Variants in PARD3B observed in about 807,000 individuals in gnomAD.
PARD3B encodes par-3 family cell polarity regulator beta, also known as partitioning defective 3 homolog B.
PARD3B carries 103 observed loss-of-function variants against 130.2 expected under a neutral mutation model. The ratio of observed to expected loss-of-function variants is 0.79; its 90% CI spans 0.67 to 0.93. The LOEUF (loss-of-function observed/expected upper bound fraction) is 0.93, where lower values mean the gene tolerates loss of function less well. PARD3B is among the 40% of genes least tolerant of loss of function. The pLI, the probability that PARD3B is intolerant of heterozygous loss-of-function variation, is 0.00. For synonymous variants in PARD3B, 583 were observed against 553.2 expected, an observed-to-expected ratio of 1.05 and a Z score of -0.76; for missense variants, 1,609 against 1,499.2, an observed-to-expected ratio of 1.07 and a Z score of -1.21.
intron 1 of PARD3B, among the ~76,000 whole-genome samples, chr2:204,635,075 T>G (rs2034825112): frequency 6.6e-6 from 1 of 152,194 alleles, no homozygotes; most frequent in Non-Finnish European, 1.5e-5. Context: ...AACACATGAA[T>G]ATACCATATT....
At chr2:204,794,466 G>A (rs2042301392) in intron 2 of PARD3B, among the ~76,000 whole-genome samples, 1 of 152,110 alleles carries the variant, frequency 6.6e-6, no homozygotes, top group Non-Finnish European at 1.5e-5. Flanking sequence ...AGGATGAGGT[G>A]GAGTGGAACT....
intron 3 of PARD3B, among the ~76,000 whole-genome samples, chr2:204,988,204 G>C (rs890908440): frequency 1.3e-5 from 2 of 152,146 alleles, no homozygotes; most frequent in African/African-American, 4.8e-5. Context: ...CATGCTACTA[G>C]TATAATTCTG....
At chr2:204,883,452 T>TA in intron 2 of PARD3B, among the ~76,000 whole-genome samples, 1 of 106,064 alleles carries the variant, frequency 9.4e-6, no homozygotes, top group Non-Finnish European at 1.7e-5. Context: ...TATATATATA[T>TA]ATATTTTTTT....
chr2:205,533,725 TTTTG>T (rs566799321), intron 21 of PARD3B, among the ~76,000 whole-genome samples: 69 of 148,908 alleles, frequency 4.6e-4, no homozygotes, highest in African/African-American at 1.1e-3. Context: ...TTTGGGGGTT[TTTTG>T]TTTGTTTGTT....
chr2:205,074,979 C>G (rs1700951361), intron 4 of PARD3B, among the ~76,000 whole-genome samples: 1 of 152,128 alleles, frequency 6.6e-6, no homozygotes, highest in African/African-American at 2.4e-5. Context: ...CTGTAGCTCA[C>G]TGAATATTTT....
intron 1 of PARD3B, among the ~76,000 whole-genome samples, chr2:204,556,483 A>C (rs1187331582): frequency 6.6e-6 from 1 of 152,232 alleles, no homozygotes; most frequent in East Asian, 1.9e-4. Flanking sequence ...TAGACAAATA[A>C]TGCCCTTTGA....
At chr2:204,952,856 G>T (rs1689891087) in intron 2 of PARD3B, among the ~76,000 whole-genome samples, 1 of 151,954 alleles carries the variant, frequency 6.6e-6, no homozygotes, top group South Asian at 2.1e-4. Flanking sequence ...AATTAGCCGG[G>T]TGTGGTGGTG....
intron 2 of PARD3B, among the ~76,000 whole-genome samples, chr2:204,934,850 A>G (rs1336477261): frequency 6.6e-6 from 1 of 152,174 alleles, no homozygotes; most frequent in African/African-American, 2.4e-5. Context: ...CTTGAAGGGT[A>G]TATCCATCAA....
At position 205,326,190 on chromosome 2, in the gene PARD3B, G is replaced by A. The variant is rs555544253; in HGVS notation, c.2630+24489G>A. Among the ~76,000 whole-genome samples, 10 of 152,256 alleles carry A rather than the reference G, an allele frequency of 6.6e-5. No homozygotes were observed. The South Asian group carries it at 1.2e-3, about 19-fold the overall frequency. ...TATTAGAAAATTACTGTGAAAAACC[G>A]CATACTGAAAATGTGAGAGCGCTTT... On this transcript the variant is annotated intron_variant, in intron 18 of 22. Transcript: ENST00000406610.
intron 21 of PARD3B, among the ~76,000 whole-genome samples, chr2:205,536,545 C>G (rs1236104706): frequency 6.6e-6 from 1 of 152,160 alleles, no homozygotes; most frequent in East Asian, 1.9e-4. Flanking sequence ...ATCACCTGAT[C>G]AGTAACTCAC....
chr2:204,722,129 A>C (rs1425263196), intron 2 of PARD3B, among the ~76,000 whole-genome samples: 1 of 152,176 alleles, frequency 6.6e-6, no homozygotes, highest in Non-Finnish European at 1.5e-5. Context: ...ACAAATCAAA[A>C]ATATTTTCTT....
At chr2:205,578,287 A>G (rs553074920) in intron 22 of PARD3B, among the ~76,000 whole-genome samples, 6 of 152,364 alleles carry the variant, frequency 3.9e-5, no homozygotes, top group African/African-American at 1.2e-4. Context: ...TGTGGTAACT[A>G]GAGTTTCATT....
rs146734198 is a variant in PARD3B at position 205,476,755 on chromosome 2, C to G, written c.3045-23141C>G. Among the ~76,000 whole-genome samples, 3 of 152,254 alleles carry G rather than the reference C, an allele frequency of 2.0e-5. No homozygotes were observed. The East Asian group carries it at 5.8e-4, about 29-fold the overall frequency. On this transcript the variant is annotated intron_variant, in intron 20 of 22. Coordinates refer to ENST00000406610, the MANE Select transcript of PARD3B (RefSeq NM_001302769.2). ...CATGAACCATTTCTCTTTTACACAG[C>G]AATCATTTATCACTTATAAGTGTTA... is the stretch of plus-strand genomic sequence containing the variant.
At chr2:204,645,256 G>A (rs114778927) in intron 1 of PARD3B, among the ~76,000 whole-genome samples, 1 of 152,014 alleles carries the variant, frequency 6.6e-6, no homozygotes, top group African/African-American at 2.4e-5. Context: ...CAGGCCCTCT[G>A]ATATAAAATA....
At chr2:205,427,242 C>T (rs1239970569) in intron 19 of PARD3B, among the ~76,000 whole-genome samples, 1 of 152,128 alleles carries the variant, frequency 6.6e-6, no homozygotes, top group Non-Finnish European at 1.5e-5. Context: ...TCTCTTTGAC[C>T]CAGCAATCCT....
chr2:204,853,892 AAAAGT>A (rs1331219776), intron 2 of PARD3B, among the ~76,000 whole-genome samples: 5 of 152,224 alleles, frequency 3.3e-5, no homozygotes, highest in African/African-American at 1.2e-4. Flanking sequence ...GCTAGGTAGA[AAAAGT>A]AAAGGAGTTA....
At chr2:204,973,698 C>T (rs1691907708) in intron 3 of PARD3B, among the ~76,000 whole-genome samples, 1 of 152,042 alleles carries the variant, frequency 6.6e-6, no homozygotes, top group Non-Finnish European at 1.5e-5. Context: ...TCTGATAAAG[C>T]CTTATGATGA....
rs1422810805 is a variant in PARD3B at position 205,275,079 on chromosome 2, C to T, written c.2186-25451C>T. ...TAAGAGAAAAAATGTGAGTAAGGCT[C>T]GCTTCTGATTTCAGACTGCTTGAGA... On this transcript the variant is annotated intron_variant, in intron 16 of 22. Transcript: ENST00000406610. 2.6e-5 allele frequency among the ~76,000 whole-genome samples: 4 copies of T among 151,870 alleles called. No individual in the cohort carries two copies. In the East Asian group the frequency reaches 5.8e-4, roughly 22 times the overall value.
Position 205,125,513 on chromosome 2 carries a change from G to A in PARD3B, c.1306-96G>A. ...ATCTTTTCAGAGCTTCCTCAAGTATGGGAGCCCATTTGCTTCTTGTTTTCA... is the reference window on the plus strand; with the variant it reads ...ATCTTTTCAGAGCTTCCTCAAGTATAGGAGCCCATTTGCTTCTTGTTTTCA... On this transcript the variant is annotated intron_variant, in intron 9 of 22. Coordinates refer to ENST00000406610, the MANE Select transcript of PARD3B (RefSeq NM_001302769.2). The surrounding 1 kb of genome is among the most constrained non-coding windows in gnomAD (Gnocchi z 4.0). 1 of 1,374,892 alleles carries A rather than the reference G, an allele frequency of 7.3e-7. No individual in the cohort carries two copies. Among genetic ancestry groups the A allele is most frequent in the Non-Finnish European group, 1.0e-6 (1 of 1,004,430 alleles). 85.2% of individuals were successfully genotyped at this position (1,374,892 alleles called of 1,614,324 possible). A position where few individuals can be genotyped will look rare whatever the true frequency, so the allele number is the denominator to read the frequency against.
Sources: gnomAD v4.1 joint callset for allele counts (sites outside exome capture counted in the v4.1 genomes callset) on GRCh38, gnomAD v4.1.1 for gene constraint, Gnocchi (gnomAD v3.1) non-coding constraint, MANE v1.5 for transcripts, NCBI Gene and HGNC (gene_info 2026-07-23, HGNC 2026-07-21) for gene names.